The following TTC27 variants were observed in gnomAD, a reference collection of about 807,000 sequenced individuals.
The protein encoded by TTC27 is tetratricopeptide repeat domain 27, also known as tetratricopeptide repeat protein 27.
A neutral mutation model predicts 115.9 loss-of-function variants in TTC27; 79 were observed. The observed-to-expected ratio is 0.68, with a 90% CI of 0.57 to 0.82. TTC27 has a LOEUF of 0.82. Among genes scored for constraint, TTC27 ranks in the 40% least tolerant of loss-of-function variants. The pLI is 0.00. For missense variants in TTC27, 1,054 were observed against 993.1 expected (o/e 1.06, Z -0.82); for synonymous variants, 401 against 356.0 (o/e 1.13, Z -1.42).
chr2:32,646,489 A>T (rs1664864348), intron 4 of TTC27, among the ~76,000 whole-genome samples: 1 of 151,196 alleles, frequency 6.6e-6, no homozygotes, highest in Non-Finnish European at 1.5e-5. Flanking sequence ...ATATTAAGCA[A>T]TTCTTGACAA....
chr2:32,714,045 T>C (rs1667671955), intron 10 of TTC27, among the ~76,000 whole-genome samples: 1 of 152,286 alleles, frequency 6.6e-6, no homozygotes, highest in African/African-American at 2.4e-5. Flanking sequence ...TTGCATTAGT[T>C]TGCTTAAGTT....
chr2:32,678,859 T>A lies in TTC27; in HGVS notation c.1056T>A (p.Thr352=). The A allele has an allele frequency of 6.2e-7, 1 of 1,608,400 alleles. No homozygotes were observed. The highest frequency in any genetic ancestry group is 8.5e-7 in the Non-Finnish European group (1 of 1,177,142). ...EEIAIILGIC[T]NFQKNNPVHT... Reference sequence around the variant, plus strand: ...ACCTTTTTTTCTTAATTTAAAGCACTAATTTTCAAAAGAATAACCCAGTGC... The same window carrying A: ...ACCTTTTTTTCTTAATTTAAAGCACAAATTTTCAAAAGAATAACCCAGTGC... The change falls in exon 9 of 20, where the codon ACT becomes ACA. Residue 352 remains threonine (T), a synonymous_variant. Transcript: ENST00000317907.
At chr2:32,668,198 A>G (rs565818385) in intron 7 of TTC27, among the ~76,000 whole-genome samples, 1 of 151,890 alleles carries the variant, frequency 6.6e-6, no homozygotes, top group South Asian at 2.1e-4. Flanking sequence ...CTCAAAAAAA[A>G]GAAAATAAAC....
intron 9 of TTC27, among the ~76,000 whole-genome samples, chr2:32,696,924 C>T (rs1667006282): frequency 6.6e-6 from 1 of 152,250 alleles, no homozygotes; most frequent in Admixed American, 6.5e-5. Context: ...AGCCGATGGG[C>T]GTGGTGGCTC....
chr2:32,709,784 G>A (rs182737929), intron 10 of TTC27, among the ~76,000 whole-genome samples: 2 of 152,198 alleles, frequency 1.3e-5, no homozygotes, highest in East Asian at 3.9e-4. Context: ...CCACAGCTGG[G>A]CCCCACCGTG....
At chr2:32,637,639 C>G (rs1664479647) in intron 3 of TTC27, among the ~76,000 whole-genome samples, 1 of 152,126 alleles carries the variant, frequency 6.6e-6, no homozygotes, top group African/African-American at 2.4e-5. Context: ...CCAGGATTCT[C>G]TTTCTTAAAG....
intron 5 of TTC27, among the ~76,000 whole-genome samples, chr2:32,652,921 C>T (rs1419022342): frequency 3.3e-5 from 5 of 151,890 alleles, no homozygotes; most frequent in Non-Finnish European, 5.9e-5. Context: ...TTTGTCCAGG[C>T]GTGTTACACC....
chr2:32,730,046 C>T (rs972584271), intron 10 of TTC27, among the ~76,000 whole-genome samples: 1 of 152,134 alleles, frequency 6.6e-6, no homozygotes, highest in Non-Finnish European at 1.5e-5. Context: ...TTTATATTCG[C>T]ATTCATGCAC....
intron 9 of TTC27, among the ~76,000 whole-genome samples, chr2:32,694,980 G>T (rs952348690): frequency 6.6e-6 from 1 of 151,942 alleles, no homozygotes; most frequent in Non-Finnish European, 1.5e-5. Context: ...CGGCCAGCCT[G>T]CTCTGTCTTT....
chr2:32,656,848 A>G (rs1022191601), intron 5 of TTC27, among the ~76,000 whole-genome samples: 1 of 152,176 alleles, frequency 6.6e-6, no homozygotes, highest in Non-Finnish European at 1.5e-5. Context: ...CACACAATTT[A>G]TAATCAAACT....
chr2:32,713,346 G>A (rs1313842495), intron 10 of TTC27, among the ~76,000 whole-genome samples: 4 of 150,444 alleles, frequency 2.7e-5, no homozygotes, highest in African/African-American at 4.9e-5. Flanking sequence ...AAACATTTTT[G>A]AAAAAAAAAT....
intron 9 of TTC27, among the ~76,000 whole-genome samples, chr2:32,686,639 G>T (rs1666640226): frequency 2.0e-5 from 3 of 151,784 alleles, no homozygotes; most frequent in Admixed American, 6.6e-5. Context: ...GGAGTTACAG[G>T]CATGAGCCAC....
At position 32,657,971 on chromosome 2, in the gene TTC27, A is replaced by T. The variant is rs185990608; in HGVS notation, c.641-6332A>T. On this transcript the variant is annotated intron_variant, in intron 5 of 19. Coordinates refer to ENST00000317907, the MANE Select transcript of TTC27 (RefSeq NM_017735.5). ...CAGCCTCCCAAGAAGCTGGCATTACAGGCGCGTGCCAGCACGCCCAGCTAA... is the reference window on the plus strand; with the variant it reads ...CAGCCTCCCAAGAAGCTGGCATTACTGGCGCGTGCCAGCACGCCCAGCTAA... Among the ~76,000 whole-genome samples, 313 of 152,318 alleles carry T rather than the reference A, an allele frequency of 2.1e-3. 2 individuals are homozygous for T. The highest frequency in any genetic ancestry group is 7.3e-3 in the African/African-American group (304 of 41,560).
intron 7 of TTC27, among the ~76,000 whole-genome samples, chr2:32,668,729 T>C (rs1665894913): frequency 6.6e-6 from 1 of 152,026 alleles, no homozygotes. Context: ...GTTAATGTGG[T>C]TAACATTTTT....
chr2:32,640,931 G>A (rs975459236), intron 4 of TTC27, among the ~76,000 whole-genome samples: 4 of 152,046 alleles, frequency 2.6e-5, no homozygotes, highest in East Asian at 3.9e-4. Flanking sequence ...GCAGTGAGCC[G>A]TGATTGCGCC....
intron 16 of TTC27, among the ~76,000 whole-genome samples, chr2:32,804,391 A>G (rs1671060465): frequency 6.6e-6 from 1 of 152,214 alleles, no homozygotes; most frequent in Non-Finnish European, 1.5e-5. Context: ...GTCTTTAGGC[A>G]CAAAGATATG....
chr2:32,669,654 G>A (rs951040280), intron 7 of TTC27, among the ~76,000 whole-genome samples: 1 of 152,118 alleles, frequency 6.6e-6, no homozygotes, highest in Non-Finnish European at 1.5e-5. Flanking sequence ...GGAGGCCGAG[G>A]TGGGAGGATC....
intron 13 of TTC27, among the ~76,000 whole-genome samples, chr2:32,773,118 T>C (rs565057642): frequency 2.6e-5 from 4 of 152,360 alleles, no homozygotes; most frequent in South Asian, 4.1e-4. Flanking sequence ...ACAGGTATTA[T>C]CACATTCAAA....
At chr2:32,758,540 C>T in intron 13 of TTC27, 21 bp downstream of exon 13, 6 of 1,604,986 alleles carry the variant, frequency 3.7e-6, no homozygotes, top group Non-Finnish European at 5.1e-6. Flanking sequence ...TCATAACCCC[C>T]TGCTGCTCTC....
Sources: allele counts gnomAD v4.1 joint callset (sites outside exome capture counted in the v4.1 genomes callset), GRCh38; gene constraint gnomAD v4.1.1; transcripts MANE v1.5; gene names NCBI Gene and HGNC (gene_info 2026-07-23, HGNC 2026-07-21).